Variants in ALDH1A2 observed in about 807,000 individuals in gnomAD.
ALDH1A2 encodes the protein retinal dehydrogenase 2.
In ALDH1A2, 27 loss-of-function variants were observed where a neutral mutation model predicts 60.3. That is an observed-to-expected ratio of 0.45 (90% CI 0.33 to 0.62). ALDH1A2 has a LOEUF of 0.62. Ranked by LOEUF, ALDH1A2 falls within the 20% of genes least tolerant of loss-of-function variation. The pLI, the probability that ALDH1A2 is intolerant of heterozygous loss-of-function variation, is 0.02. For missense variants in ALDH1A2, 581 were observed against 643.8 expected (o/e 0.90, Z 1.06); for synonymous variants, 289 against 232.4 (o/e 1.24, Z -2.21).
rs35843172 is a variant in ALDH1A2, at chr15:57,992,624, G to A, written c.798+81C>T. The A allele has an allele frequency of 4.6e-6, 6 of 1,290,842 alleles. No homozygotes were observed. In the Admixed American group the frequency reaches 8.6e-5, roughly 18 times the overall value. 80.0% of individuals were successfully genotyped at this position (1,290,842 alleles called of 1,614,324 possible). On this transcript the variant is annotated intron_variant, in intron 7 of 12. Coordinates refer to ENST00000249750, the MANE Select transcript of ALDH1A2 (RefSeq NM_003888.4). ...ACTGCCCTTTTGGTGTCTAGCCTAT[G>A]GGTACTAGTTTTATTGTTTTTGTAA...
chr15:58,050,196 TAA>T (rs4646573), intron 1 of ALDH1A2, among the ~76,000 whole-genome samples: 7 of 149,152 alleles, frequency 4.7e-5, no homozygotes, highest in Admixed American at 3.4e-4. Context: ...TTGCTAGGGT[TAA>T]AAAAAAAAAG....
At chr15:57,964,630 G>A (rs1481268198) in intron 8 of ALDH1A2, 1 of 154,524 alleles carries the variant, frequency 6.5e-6, no homozygotes, top group South Asian at 2.0e-4. Context: ...GTACTTGGGG[G>A]ATTAAACCGT....
chr15:58,045,042 A>G (rs1334711596), intron 1 of ALDH1A2, among the ~76,000 whole-genome samples: 3 of 152,090 alleles, frequency 2.0e-5, no homozygotes, highest in African/African-American at 7.2e-5. Flanking sequence ...ACTTCAACAA[A>G]TCTACAAGAA....
At chr15:58,014,624 G>A (rs779577129) in intron 1 of ALDH1A2, 4 of 442,628 alleles carry the variant, frequency 9.0e-6, no homozygotes, top group South Asian at 1.6e-5. Context: ...GTATCCATGA[G>A]GGTTAAATAG....
intron 9 of ALDH1A2, 85 bp from the exon 10 acceptor site, chr15:57,962,261 G>C (rs1207838401): frequency 7.1e-6 from 11 of 1,543,790 alleles, no homozygotes; most frequent in African/African-American, 2.7e-5. Context: ...TTTCATTTTA[G>C]GGTTTTTTTC....
intron 1 of ALDH1A2, among the ~76,000 whole-genome samples, chr15:58,034,284 T>C (rs1281566163): frequency 2.0e-5 from 3 of 151,790 alleles, no homozygotes; most frequent in African/African-American, 4.8e-5. Context: ...CACCAGTATA[T>C]AAGAAATCAA....
chr15:58,007,137 C>A (rs1404065662), intron 4 of ALDH1A2, among the ~76,000 whole-genome samples: 1 of 151,930 alleles, frequency 6.6e-6, no homozygotes, highest in Non-Finnish European at 1.5e-5. Flanking sequence ...AACAAAGAAT[C>A]TTTCAACAGA....
intron 12 of ALDH1A2, among the ~76,000 whole-genome samples, chr15:57,958,214 G>GTGCACACACACACACA (rs1555398334): frequency 2.0e-5 from 3 of 151,700 alleles, no homozygotes; most frequent in Admixed American, 6.6e-5. Flanking sequence ...GTACACGCAC[G>GTGCACACACACACACA]CACACACACA....
chr15:57,972,749 G>T (rs1047919712), intron 7 of ALDH1A2, among the ~76,000 whole-genome samples: 2 of 152,110 alleles, frequency 1.3e-5, no homozygotes, highest in Admixed American at 1.3e-4. Flanking sequence ...CATGAAACTG[G>T]TTTTTTCAAT....
At chr15:58,040,587 A>G (rs1159924337) in intron 1 of ALDH1A2, among the ~76,000 whole-genome samples, 2 of 151,912 alleles carry the variant, frequency 1.3e-5, no homozygotes, top group Admixed American at 1.3e-4. Context: ...TCACACCACA[A>G]ATAATTGACA....
chr15:57,993,738 G>A (rs35687182), intron 5 of ALDH1A2, among the ~76,000 whole-genome samples: 5 of 152,176 alleles, frequency 3.3e-5, no homozygotes, highest in Admixed American at 2.0e-4. Context: ...AAGATATTAA[G>A]CTTGTATTGT....
intron 1 of ALDH1A2, among the ~76,000 whole-genome samples, chr15:58,038,918 G>A (rs147587665): frequency 8.0e-4 from 122 of 151,846 alleles, no homozygotes; most frequent in African/African-American, 2.7e-3. Flanking sequence ...TTTTGGAAAC[G>A]TTTCAAGTTT....
rs1193766460 is a variant in ALDH1A2, at chr15:57,968,068, ACTGT to A, written c.799-2245_799-2242del. Among the ~76,000 whole-genome samples the A allele has an allele frequency of 1.2e-4, 18 of 152,132 alleles. No individual in the cohort carries two copies. In the East Asian group the frequency reaches 1.9e-3, roughly 16 times the overall value. On this transcript the variant is annotated intron_variant, in intron 7 of 12. Transcript: ENST00000249750. Reference sequence around the variant, plus strand: ...TTCCCTGAGGATGCTGTCATCTGTGACTGTCTGCTCTTCTGAGAATGTCATTGTG... The same window carrying A: ...TTCCCTGAGGATGCTGTCATCTGTGACTGCTCTTCTGAGAATGTCATTGTG...
intron 1 of ALDH1A2, among the ~76,000 whole-genome samples, chr15:58,039,978 G>A (rs1472399567): frequency 1.3e-5 from 2 of 151,854 alleles, no homozygotes; most frequent in Admixed American, 6.6e-5. Context: ...CTTGAAATAA[G>A]TGTTCAGTAC....
intron 4 of ALDH1A2, among the ~76,000 whole-genome samples, chr15:57,998,180 T>C (rs1180888822): frequency 1.3e-5 from 2 of 152,020 alleles, no homozygotes; most frequent in Admixed American, 6.6e-5. Context: ...TTCAACATAG[T>C]ATTGGAAGTT....
At chr15:58,032,414 G>A (rs1595679234) in intron 1 of ALDH1A2, among the ~76,000 whole-genome samples, 1 of 152,158 alleles carries the variant, frequency 6.6e-6, no homozygotes, top group Admixed American at 6.6e-5. Flanking sequence ...TAAATGAGTA[G>A]TTAATGGGTG....
chr15:58,011,768 T>A (rs1219564902), intron 3 of ALDH1A2, among the ~76,000 whole-genome samples: 1 of 152,212 alleles, frequency 6.6e-6, no homozygotes, highest in Non-Finnish European at 1.5e-5. Context: ...CACTGTATAT[T>A]GGCTCACCCT....
intron 1 of ALDH1A2, among the ~76,000 whole-genome samples, chr15:58,015,355 T>C (rs1464136619): frequency 6.6e-6 from 1 of 152,214 alleles, no homozygotes; most frequent in Non-Finnish European, 1.5e-5. Flanking sequence ...TTTTCCTTGA[T>C]TTGATAAAAA....
chr15:58,032,033 C>T (rs1270087450), intron 1 of ALDH1A2, among the ~76,000 whole-genome samples: 1 of 152,178 alleles, frequency 6.6e-6, no homozygotes, highest in Non-Finnish European at 1.5e-5. Context: ...ATAAAACATG[C>T]TGCTATAAAG....
Sources: allele counts gnomAD v4.1 joint callset (sites outside exome capture counted in the v4.1 genomes callset), GRCh38; gene constraint gnomAD v4.1.1; transcripts MANE v1.5; gene names NCBI Gene and HGNC (gene_info 2026-07-23, HGNC 2026-07-21).